The following PAK3 variants were observed in gnomAD, a reference collection of about 807,000 sequenced individuals.
The protein encoded by PAK3 is p21 (RAC1) activated kinase 3.
A neutral mutation model predicts 41.0 loss-of-function variants in PAK3; 4 were observed. The ratio of observed to expected loss-of-function variants is 0.10; its 90% CI spans 0.05 to 0.22. The LOEUF (loss-of-function observed/expected upper bound fraction) is 0.22. Among genes scored for constraint, PAK3 ranks in the 10% least tolerant of loss-of-function variants. PAK3 has a pLI of 1.00. For missense variants in PAK3, 205 were observed against 409.9 expected, an observed-to-expected ratio of 0.50 and a Z score of 4.32; for synonymous variants, 146 against 139.6, an observed-to-expected ratio of 1.05 and a Z score of -0.32.
intron 1 of PAK3, among the ~76,000 whole-genome samples, chrX:111,007,550 T>C (rs2091950996): frequency 9.0e-6 from 1 of 111,141 alleles, no homozygotes; most frequent in African/African-American, 3.3e-5. Flanking sequence ...TTCTTAGAAA[T>C]AAAATTCCAA....
chrX:111,107,326 A>G (rs1184973766), intron 4 of PAK3, among the ~76,000 whole-genome samples: 2 of 112,157 alleles, frequency 1.8e-5, no homozygotes, highest in African/African-American at 3.2e-5. Context: ...GTAAATTTGT[A>G]CTGTAAGTGT....
chrX:111,016,313 C>T (rs1444867881), intron 1 of PAK3, among the ~76,000 whole-genome samples: 1 of 111,763 alleles, frequency 8.9e-6, no homozygotes, highest in Non-Finnish European at 1.9e-5. Flanking sequence ...GAAGAGGAGA[C>T]TCTATGGCAG....
intron 5 of PAK3, among the ~76,000 whole-genome samples, chrX:111,137,866 T>C (rs750282174): frequency 1.8e-5 from 2 of 111,803 alleles, no homozygotes; most frequent in South Asian, 7.6e-4. Flanking sequence ...TTCTGCTCTC[T>C]GCAAATATCA....
At chrX:111,062,073 C>T (rs1336596701) in intron 1 of PAK3, among the ~76,000 whole-genome samples, 6 of 111,392 alleles carry the variant, frequency 5.4e-5, no homozygotes, top group Non-Finnish European at 1.1e-4. Context: ...CTGCCTTGGC[C>T]TCTCAAATTG....
At chrX:111,045,217 G>A (rs1490593447) in intron 1 of PAK3, among the ~76,000 whole-genome samples, 2 of 112,321 alleles carry the variant, frequency 1.8e-5, no homozygotes, top group Admixed American at 9.4e-5. Flanking sequence ...TGCCCAAAAT[G>A]TATACAAAAT....
At chrX:111,028,785 A>G (rs1483446604) in intron 1 of PAK3, among the ~76,000 whole-genome samples, 1 of 111,893 alleles carries the variant, frequency 8.9e-6, no homozygotes, top group East Asian at 2.8e-4. Context: ...CAATATACAG[A>G]TGAGGAAAGT....
chrX:111,213,928 T>C (rs1247667758), intron 16 of PAK3, among the ~76,000 whole-genome samples: 2 of 112,078 alleles, frequency 1.8e-5, no homozygotes, highest in African/African-American at 6.5e-5. Context: ...CCCATCTCCT[T>C]TTAGTCAAAA....
intron 1 of PAK3, among the ~76,000 whole-genome samples, chrX:110,986,781 A>G (rs866771336): frequency 3.0e-4 from 29 of 95,596 alleles, no homozygotes; most frequent in African/African-American, 9.2e-4. Context: ...GTGTGTGTGT[A>G]TGTGTGTGTC....
At chrX:110,953,168 G>A (rs2090780933) in intron 1 of PAK3, among the ~76,000 whole-genome samples, 1 of 111,592 alleles carries the variant, frequency 9.0e-6, no homozygotes, top group Non-Finnish European at 1.9e-5. Flanking sequence ...ACTGGAAGGG[G>A]ATGTCTGACT....
chrX:111,224,899 C>T lies in PAK3; in HGVS notation c.*4452C>T, dbSNP rs749425070. 1.8e-5 allele frequency: 2 copies of T among 112,229 alleles called. No individual in the cohort carries two copies. The highest frequency in any genetic ancestry group is 5.6e-4 in the East Asian group (2 of 3,596). 9.2% of individuals were successfully genotyped at this position (112,229 alleles called of 1,213,427 possible). ...CTTAGGGGAGTCTTAACCCTGCCAT[C>T]CCCGGTTGAATCTCTTGGTCTTTAT... is the stretch of plus-strand genomic sequence containing the variant. On this transcript the variant is annotated 3_prime_UTR_variant, in exon 18 of 18. Coordinates refer to ENST00000372007, the MANE Select transcript of PAK3 (RefSeq NM_002578.5).
chrX:110,957,805 A>G (rs2090896383), intron 1 of PAK3, among the ~76,000 whole-genome samples: 2 of 111,683 alleles, frequency 1.8e-5, no homozygotes, highest in African/African-American at 6.5e-5. Flanking sequence ...CTTTCATCCC[A>G]AGGACACATG....
intron 1 of PAK3, among the ~76,000 whole-genome samples, chrX:111,063,300 T>C (rs746155280): frequency 1.8e-5 from 2 of 112,187 alleles, no homozygotes; most frequent in African/African-American, 3.2e-5. Flanking sequence ...CAAAATTCAT[T>C]GCAATGATTG....
intron 6 of PAK3, among the ~76,000 whole-genome samples, chrX:111,143,631 C>T (rs2093903300): frequency 9.0e-6 from 1 of 111,083 alleles, no homozygotes; most frequent in Non-Finnish European, 1.9e-5. Flanking sequence ...ATGACTACCA[C>T]CACCATCATC....
chrX:110,987,878 C>G (rs776815927), intron 1 of PAK3, among the ~76,000 whole-genome samples: 4 of 111,206 alleles, frequency 3.6e-5, no homozygotes, highest in African/African-American at 1.3e-4. Context: ...CCTCACAAAT[C>G]ACAGCCCTGC....
At position 111,222,661 on chromosome X, in the gene PAK3, T is replaced by G. The variant is rs1265480976; in HGVS notation, c.*2214T>G. On this transcript the variant is annotated 3_prime_UTR_variant, in exon 18 of 18. Coordinates refer to ENST00000372007, the MANE Select transcript of PAK3 (RefSeq NM_002578.5). ...TGAAATCCTGGGATGCAAATAAAAA[T>G]CAGTACATTAGTGACTGTGTCCTGC... 5 of 111,693 alleles carry G rather than the reference T, an allele frequency of 4.5e-5. No homozygotes were observed. The highest frequency in any genetic ancestry group is 9.5e-5 in the Admixed American group (1 of 10,492). 9.2% of individuals were successfully genotyped at this position (111,693 alleles called of 1,213,427 possible).
chrX:111,132,918 A>T (rs2093739196), intron 5 of PAK3, among the ~76,000 whole-genome samples: 2 of 111,059 alleles, frequency 1.8e-5, no homozygotes, highest in African/African-American at 3.3e-5. Context: ...AGTTTGTGGG[A>T]AATGTCCAGT....
chrX:111,079,767 A>G (rs1226298379), intron 1 of PAK3, among the ~76,000 whole-genome samples: 2 of 112,414 alleles, frequency 1.8e-5, no homozygotes, highest in Non-Finnish European at 3.8e-5. Context: ...AATATTCACC[A>G]TTCTAGATGC....
intron 1 of PAK3, among the ~76,000 whole-genome samples, chrX:110,985,468 A>G (rs1298193154): frequency 8.9e-6 from 1 of 112,435 alleles, no homozygotes; most frequent in Non-Finnish European, 1.9e-5. Context: ...GTCAATAAGT[A>G]TTTGCTGAGT....
chrX:111,172,789 A>G (rs905466073), intron 10 of PAK3, among the ~76,000 whole-genome samples: 1 of 111,279 alleles, frequency 9.0e-6, no homozygotes, highest in African/African-American at 3.3e-5. Flanking sequence ...TATTATTACT[A>G]CTTTAATTAC....
Sources: allele counts gnomAD v4.1 joint callset (sites outside exome capture counted in the v4.1 genomes callset), GRCh38; gene constraint gnomAD v4.1.1; transcripts MANE v1.5; gene names NCBI Gene and HGNC (gene_info 2026-07-23, HGNC 2026-07-21).